Variants in C12orf71 observed in about 807,000 individuals in gnomAD.
C12orf71 encodes the protein chromosome 12 open reading frame 71.
A neutral mutation model predicts 11.7 loss-of-function variants in C12orf71; 10 were observed. The ratio of observed to expected loss-of-function variants is 0.86; its 90% CI spans 0.53 to 1.45. The LOEUF is 1.45. Ranked by LOEUF, C12orf71 falls within the 40% of genes most tolerant of loss-of-function variation. C12orf71 has a pLI of 0.00. For missense variants in C12orf71, 293 were observed against 325.8 expected, an observed-to-expected ratio of 0.90 and a Z score of 0.78; for synonymous variants, 110 against 123.4, an observed-to-expected ratio of 0.89 and a Z score of 0.72.
In C12orf71 at chr12:27,081,067, CAA is replaced by C; in HGVS notation, c.*105_*106del. 2 of 829,288 alleles carry C rather than the reference CAA, an allele frequency of 2.4e-6. No individual in the cohort carries two copies. The highest frequency in any genetic ancestry group is 3.8e-6 in the Non-Finnish European group (2 of 532,794). 51.4% of individuals were successfully genotyped at this position (829,288 alleles called of 1,614,324 possible). On this transcript the variant is annotated 3_prime_UTR_variant, in exon 2 of 2. Coordinates refer to ENST00000429849, the MANE Select transcript of C12orf71 (RefSeq NM_001080406.2). ...GCTGGGAGAGGAAGATGTGGGGTAA[CAA>C]GAGCATTTATTTTGTTTATTGAGGA...
Position 27,082,219 on chromosome 12 carries a change from A to G in C12orf71, c.265T>C (p.Phe89Leu). 1 of 1,613,746 alleles carries G rather than the reference A, an allele frequency of 6.2e-7. No homozygotes were observed. The highest frequency in any genetic ancestry group is 8.5e-7 in the Non-Finnish European group (1 of 1,179,810). Residue 89 changes from phenylalanine (F) to leucine (L), a missense_variant, in exon 1 of 2, where the codon TTC becomes CTC. Physicochemically the swap from Phe to Leu is conservative, Grantham distance 22. Transcript: ENST00000429849. ...CCAATGTCCACGTCCCAGGCCAGGA[A>G]GATGCTTAGTTTGCAAAACTGCTCT... ...EPEQFCKLSI[F>L]LAWDVDIGSD... is the part of the protein sequence containing the mutation.
upstream of C12orf71, chr12:27,082,617 T>C: frequency 1.4e-6 from 1 of 699,102 alleles, no homozygotes. Context: ...CTTTTTTCTT[T>C]TTTTTTTTTT....
rs1456694304 is a variant in C12orf71, at chr12:27,082,298, C to T, written c.186G>A (p.Gly62=). 8 of 1,601,230 alleles carry T rather than the reference C, an allele frequency of 5.0e-6. No individual in the cohort carries two copies. Among genetic ancestry groups the T allele is most frequent in the Non-Finnish European group, 6.8e-6 (8 of 1,174,548 alleles). The change falls in exon 1 of 2, where the codon GGG becomes GGA. Residue 62 remains glycine (G), a synonymous_variant. Transcript: ENST00000429849. ...TCATGCGTCTCCCTATCCTTTCAGT[C>T]CCCCATGCCCCTTGGACGGGAGGCA... ...HFLPPVQGAW[G]TERIGRRMKR... is the part of the protein sequence containing the mutation.
chr12:27,083,983 CACAA>C (rs1294184161), upstream of C12orf71, among the ~76,000 whole-genome samples: 2 of 152,210 alleles, frequency 1.3e-5, no homozygotes, highest in Non-Finnish European at 2.9e-5. Flanking sequence ...GACACACACA[CACAA>C]ACAAAAGACT....
chr12:27,082,533 A>C lies in C12orf71; in HGVS notation c.-50T>G. 1 of 1,420,588 alleles carries C rather than the reference A, an allele frequency of 7.0e-7. No homozygotes were observed. The highest frequency in any genetic ancestry group is 9.3e-7 in the Non-Finnish European group (1 of 1,079,064). The allele number at this position is 1,420,588 out of a possible 1,614,324, so 88.0% of individuals were successfully genotyped here. A position where few individuals can be genotyped will look rare whatever the true frequency, so the allele number is the denominator to read the frequency against. On this transcript the variant is annotated 5_prime_UTR_variant, in exon 1 of 2. Coordinates refer to ENST00000429849, the MANE Select transcript of C12orf71 (RefSeq NM_001080406.2). ...TCAACTTGAGAAGCTTCAAAAAAGA[A>C]AAAAGAAAAAATAGGTGGGACTAAG...
chr12:27,083,291 C>G (rs760833920), upstream of C12orf71, among the ~76,000 whole-genome samples: 1 of 152,152 alleles, frequency 6.6e-6, no homozygotes, highest in African/African-American at 2.4e-5. Context: ...GCAGCCCTCT[C>G]CCTTTTAAAA....
rs369942491 is a variant in C12orf71, at chr12:27,082,459, C to T, written c.25G>A (p.Asp9Asn). 120 of 1,506,976 alleles carry T rather than the reference C, an allele frequency of 8.0e-5. No homozygotes were observed. The highest frequency in any genetic ancestry group is 1.0e-4 in the Non-Finnish European group (116 of 1,128,700). 93.4% of individuals were successfully genotyped at this position (1,506,976 alleles called of 1,614,324 possible). A position where few individuals can be genotyped will look rare whatever the true frequency, so the allele number is the denominator to read the frequency against. Residue 9 changes from aspartate to asparagine, a missense_variant, in exon 1 of 2, where the codon GAC becomes AAC. By Grantham distance (23) the Asp-to-Asn change is conservative (BLOSUM62 1). Coordinates refer to ENST00000429849, the MANE Select transcript of C12orf71 (RefSeq NM_001080406.2). Reference protein sequence around the residue: MAYSSSNSDIEDDSSKSNS... With the variant: MAYSSSNSNIEDDSSKSNS... Reference sequence around the variant, plus strand: ...GATTTGGAGCTGTCGTCCTCTATGTCGCTGTTAGAGGATGAATATGCCATG... The same window carrying T: ...GATTTGGAGCTGTCGTCCTCTATGTTGCTGTTAGAGGATGAATATGCCATG...
upstream of C12orf71, among the ~76,000 whole-genome samples, chr12:27,083,565 A>G (rs554805212): frequency 1.3e-5 from 2 of 152,356 alleles, no homozygotes; most frequent in South Asian, 2.1e-4. Flanking sequence ...CATTTATACA[A>G]TATGTCCACA....
chr12:27,082,617 T>TC, upstream of C12orf71: 1 of 699,102 alleles, frequency 1.4e-6, no homozygotes, highest in East Asian at 3.3e-5. Context: ...CTTTTTTCTT[T>TC]TTTTTTTTTT....
Position 27,081,366 on chromosome 12 carries a change from C to T in C12orf71, c.618G>A (p.Gln206=). The T allele has an allele frequency of 9.9e-6, 16 of 1,613,936 alleles. No homozygotes were observed. The highest frequency in any genetic ancestry group is 1.3e-5 in the Non-Finnish European group (15 of 1,179,888). ...PEKDDTPSHT[Q]AQCCLNFGWA... ...ACCCAAAGTTCAGGCAGCACTGGGC[C>T]TGTGTGTGTGAAGGAGTGTCATCCT... The change falls in exon 2 of 2, where the codon CAG becomes CAA. Residue 206 remains glutamine (Q), a synonymous_variant. Transcript: ENST00000429849.
rs1591805441 is a variant in C12orf71 at position 27,082,571 on chromosome 12, A to G, written c.-88T>C. ...AGGTGGGACTAAGGAGAAGAGAGTC[A>G]TAGTACTTAAGCAAAAACATTATCC... On this transcript the variant is annotated 5_prime_UTR_variant, in exon 1 of 2. It removes an upstream start codon present in the reference 5' UTR. Coordinates refer to ENST00000429849, the MANE Select transcript of C12orf71 (RefSeq NM_001080406.2). 1 of 1,042,776 alleles carries G rather than the reference A, an allele frequency of 9.6e-7. No individual in the cohort carries two copies. Among genetic ancestry groups the G allele is most frequent in the East Asian group, 2.8e-5 (1 of 35,222 alleles). 64.6% of individuals were successfully genotyped at this position (1,042,776 alleles called of 1,614,324 possible).
At chr12:27,081,781 TG>T in intron 1 of C12orf71, 186 bp downstream of exon 1, 2 of 744,402 alleles carry the variant, frequency 2.7e-6, no homozygotes, top group Non-Finnish European at 4.7e-6. Flanking sequence ...CTCCTCCTAG[TG>T]GTCATAAGAT....
chr12:27,083,839 G>A (rs1941956605), upstream of C12orf71, among the ~76,000 whole-genome samples: 1 of 152,190 alleles, frequency 6.6e-6, no homozygotes, highest in Admixed American at 6.5e-5. Flanking sequence ...CTTTCCAGAA[G>A]GTTTTGGTAT....
At chr12:27,083,791 A>G (rs1387957322), upstream of C12orf71, among the ~76,000 whole-genome samples, 1 of 152,208 alleles carries the variant, frequency 6.6e-6, no homozygotes, top group African/African-American at 2.4e-5. Flanking sequence ...CAAACCCCAT[A>G]AATATATTAA....
upstream of C12orf71, among the ~76,000 whole-genome samples, chr12:27,083,155 A>G (rs1447873825): frequency 6.6e-6 from 1 of 151,980 alleles, no homozygotes; most frequent in African/African-American, 2.4e-5. Flanking sequence ...TTAGCCAGAA[A>G]GGTCTTGACC....
At chr12:27,083,066 G>T (rs190104149), upstream of C12orf71, among the ~76,000 whole-genome samples, 4 of 151,650 alleles carry the variant, frequency 2.6e-5, no homozygotes, top group African/African-American at 4.8e-5. Flanking sequence ...TCAGCCTCCC[G>T]GGTAGCTAGG....
upstream of C12orf71, among the ~76,000 whole-genome samples, chr12:27,083,027 G>A (rs1402509469): frequency 4.0e-5 from 6 of 151,468 alleles, no homozygotes; most frequent in East Asian, 1.9e-4. Flanking sequence ...CGCAACCTCC[G>A]TCTCCTGGAT....
chr12:27,081,309 G>A lies in C12orf71; in HGVS notation c.675C>T (p.Leu225=). ...WAFSWLRQRI[L]PSLLRRDHPV... ...GGTGATCCCTCCTCAGCAGAGAGGG[G>A]AGGATACGCTGCCTCAGCCAGCTGA... The change falls in exon 2 of 2, where the codon CTC becomes CTT. Residue 225 remains leucine (L), a synonymous_variant. Coordinates refer to ENST00000429849, the MANE Select transcript of C12orf71 (RefSeq NM_001080406.2). The A allele has an allele frequency of 1.2e-6, 2 of 1,614,014 alleles. No individual in the cohort carries two copies. The highest frequency in any genetic ancestry group is 1.7e-6 in the Non-Finnish European group (2 of 1,179,902).
At chr12:27,081,550 A>G (rs2136522143) in intron 1 of C12orf71, 83 bp from the exon 2 acceptor site, 1 of 1,393,342 alleles carries the variant, frequency 7.2e-7, no homozygotes, top group Non-Finnish European at 9.9e-7. Flanking sequence ...TGGAACTCAC[A>G]TCCTTTTACC....
Sources: allele counts gnomAD v4.1 joint callset (sites outside exome capture counted in the v4.1 genomes callset), GRCh38; gene constraint gnomAD v4.1.1; transcripts MANE v1.5; gene names NCBI Gene and HGNC (gene_info 2026-07-23, HGNC 2026-07-21).